Variants in LRRC4C observed in about 807,000 individuals in gnomAD.
LRRC4C encodes leucine-rich repeat-containing protein 4C.
A neutral mutation model predicts 33.6 loss-of-function variants in LRRC4C; 5 were observed. That is an observed-to-expected ratio of 0.15 (90% confidence interval 0.08 to 0.31). The LOEUF is 0.31. LRRC4C is among the 10% of genes least tolerant of loss of function. The pLI is 1.00. For synonymous variants in LRRC4C, 329 were observed against 302.0 expected (o/e 1.09, Z -0.93); for missense variants, 560 against 796.7 (o/e 0.70, Z 3.58).
At chr11:40,399,332 A>C (rs1332822360) in intron 3 of LRRC4C, among the ~76,000 whole-genome samples, 1 of 152,166 alleles carries the variant, frequency 6.6e-6, no homozygotes. Context: ...GCACATATAC[A>C]CCATGGAATA....
intron 1 of LRRC4C, among the ~76,000 whole-genome samples, chr11:41,209,581 G>T (rs1159967473): frequency 1.3e-5 from 2 of 151,198 alleles, no homozygotes; most frequent in East Asian, 2.0e-4. Context: ...GGAGGCTGAG[G>T]TTGCAGTGAG....
intron 1 of LRRC4C, among the ~76,000 whole-genome samples, chr11:41,254,631 C>T (rs1485945291): frequency 2.0e-5 from 3 of 151,938 alleles, no homozygotes; most frequent in Admixed American, 1.3e-4. Flanking sequence ...AACTGACTCT[C>T]TTTACTCCAA....
intron 4 of LRRC4C, chr11:40,293,948 C>T (rs773941804): frequency 6.6e-6 from 1 of 152,444 alleles, no homozygotes; most frequent in South Asian, 2.1e-4. Context: ...CCTCCCTCTG[C>T]TCTCTCCCCT....
intron 1 of LRRC4C, among the ~76,000 whole-genome samples, chr11:41,333,995 C>T (rs1385821227): frequency 6.6e-6 from 1 of 152,170 alleles, no homozygotes; most frequent in Non-Finnish European, 1.5e-5. Flanking sequence ...AATTTCACAT[C>T]TGGCTATCTC....
intron 1 of LRRC4C, among the ~76,000 whole-genome samples, chr11:41,114,711 A>G (rs993992735): frequency 6.6e-6 from 1 of 152,104 alleles, no homozygotes; most frequent in African/African-American, 2.4e-5. Flanking sequence ...CAAGGATATA[A>G]TACAGTACTA....
intron 1 of LRRC4C, among the ~76,000 whole-genome samples, chr11:40,977,908 G>A (rs1243401059): frequency 6.6e-6 from 1 of 152,176 alleles, no homozygotes; most frequent in African/African-American, 2.4e-5. Context: ...TCACCAGGGA[G>A]AAGAGGACAT....
At chr11:41,106,406 C>A (rs572117724) in intron 1 of LRRC4C, among the ~76,000 whole-genome samples, 15 of 151,378 alleles carry the variant, frequency 9.9e-5, no homozygotes, top group African/African-American at 3.4e-4. Context: ...ATTTTACATG[C>A]ATTGTCTACT....
chr11:41,337,386 C>A (rs1328238590), intron 1 of LRRC4C, among the ~76,000 whole-genome samples: 1 of 151,350 alleles, frequency 6.6e-6, no homozygotes, highest in Admixed American at 6.6e-5. Flanking sequence ...AACTGATTAG[C>A]ATCTAAATGC....
At chr11:40,373,397 G>C (rs545503942) in intron 3 of LRRC4C, among the ~76,000 whole-genome samples, 8 of 152,074 alleles carry the variant, frequency 5.3e-5, no homozygotes, top group African/African-American at 1.9e-4. Flanking sequence ...TGAAATGAGA[G>C]AAGACATTTG....
chr11:40,683,533 GAT>G (rs1213026127), intron 2 of LRRC4C, among the ~76,000 whole-genome samples: 2 of 151,438 alleles, frequency 1.3e-5, no homozygotes, highest in African/African-American at 4.9e-5. Flanking sequence ...ATTAATAACT[GAT>G]ATAAAAAAAA....
chr11:41,225,592 A>G (rs1159146403), intron 1 of LRRC4C, among the ~76,000 whole-genome samples: 1 of 152,134 alleles, frequency 6.6e-6, no homozygotes, highest in African/African-American at 2.4e-5. Context: ...TGAGCCCAGG[A>G]GTTCGAGACT....
intron 3 of LRRC4C, among the ~76,000 whole-genome samples, chr11:40,626,704 A>T (rs1397601869): frequency 6.6e-6 from 1 of 152,174 alleles, no homozygotes; most frequent in Non-Finnish European, 1.5e-5. Context: ...CCTAATATCC[A>T]TTATCCAAAT....
At chr11:41,441,306 G>A (rs979268524) in intron 1 of LRRC4C, among the ~76,000 whole-genome samples, 1 of 152,072 alleles carries the variant, frequency 6.6e-6, no homozygotes, top group African/African-American at 2.4e-5. Context: ...GACAAAGGTG[G>A]AAGGTAGAGG....
At chr11:40,952,417 T>C (rs1379294484) in intron 1 of LRRC4C, among the ~76,000 whole-genome samples, 2 of 151,972 alleles carry the variant, frequency 1.3e-5, no homozygotes, top group Non-Finnish European at 2.9e-5. Context: ...GAAATGACAC[T>C]AATTTAGAAG....
chr11:41,223,650 G>A (rs1947403448), intron 1 of LRRC4C, among the ~76,000 whole-genome samples: 1 of 152,130 alleles, frequency 6.6e-6, no homozygotes, highest in African/African-American at 2.4e-5. Flanking sequence ...CAGATTGCCT[G>A]GAAAAATAGC....
intron 3 of LRRC4C, among the ~76,000 whole-genome samples, chr11:40,379,400 C>T (rs1194925988): frequency 6.6e-6 from 1 of 152,088 alleles, no homozygotes; most frequent in Non-Finnish European, 1.5e-5. Flanking sequence ...CAAGTCTATT[C>T]CTATTGTGTG....
chr11:40,764,455 C>T (rs996180856), intron 2 of LRRC4C, among the ~76,000 whole-genome samples: 1 of 152,160 alleles, frequency 6.6e-6, no homozygotes, highest in African/African-American at 2.4e-5. Context: ...AGATAGAACA[C>T]TAAGTAGATT....
chr11:40,916,603 C>T lies in LRRC4C; in HGVS notation c.-407+17032G>A, dbSNP rs574716877. Among the ~76,000 whole-genome samples the T allele has an allele frequency of 2.0e-3, 301 of 151,668 alleles. 1 individual carries two copies. The highest frequency in any genetic ancestry group is 3.5e-3 in the South Asian group (17 of 4,810). On this transcript the variant is annotated intron_variant, in intron 2 of 6. Coordinates refer to ENST00000528697, the MANE Select transcript of LRRC4C (RefSeq NM_001258419.2). ...AGGAGATATATCTAATGTTAAATGACGAGTTAATGGGTTCAGCACACCAAC... is the reference window on the plus strand; with the variant it reads ...AGGAGATATATCTAATGTTAAATGATGAGTTAATGGGTTCAGCACACCAAC...
chr11:40,910,101 C>T (rs1956601251), intron 2 of LRRC4C, among the ~76,000 whole-genome samples: 2 of 152,018 alleles, frequency 1.3e-5, no homozygotes, highest in Non-Finnish European at 2.9e-5. Flanking sequence ...GGTCTCTATA[C>T]AATCTGATAG....
Sources: gnomAD v4.1 joint callset for allele counts (sites outside exome capture counted in the v4.1 genomes callset) on GRCh38, gnomAD v4.1.1 for gene constraint, MANE v1.5 for transcripts, NCBI Gene and HGNC (gene_info 2026-07-23, HGNC 2026-07-21) for gene names.